SNAP91: variants seen among roughly 807,000 people sequenced by gnomAD.
SNAP91 encodes the protein clathrin coat assembly protein AP180.
Under a neutral mutation model 100.3 loss-of-function variants are expected in SNAP91, and 27 were observed. The ratio of observed to expected loss-of-function variants is 0.27; its 90% CI spans 0.20 to 0.37. SNAP91 has a LOEUF of 0.37. SNAP91 is among the 10% of genes least tolerant of loss of function. SNAP91 has a pLI of 1.00. For missense variants in SNAP91, 986 were observed against 1,123.7 expected (o/e 0.88, Z 1.75); for synonymous variants, 404 against 398.6 (o/e 1.01, Z -0.16).
intron 8 of SNAP91, among the ~76,000 whole-genome samples, chr6:83,624,605 G>C (rs2096859589): frequency 6.6e-6 from 1 of 152,042 alleles, no homozygotes; most frequent in Non-Finnish European, 1.5e-5. Flanking sequence ...ATTGGCATTT[G>C]GGGAAGATAA....
chr6:83,643,073 T>A (rs1562479186), intron 7 of SNAP91, among the ~76,000 whole-genome samples: 2 of 152,230 alleles, frequency 1.3e-5, no homozygotes, highest in Middle Eastern at 3.2e-3. Context: ...GAGTTCTTTG[T>A]AGATTCTGGA....
chr6:83,696,877 T>G (rs895669576), intron 2 of SNAP91, among the ~76,000 whole-genome samples: 1 of 152,200 alleles, frequency 6.6e-6, no homozygotes, highest in Non-Finnish European at 1.5e-5. Flanking sequence ...CTGGAACAAT[T>G]CTTGGCATTT....
At chr6:83,561,941 A>C (rs758684451) in intron 26 of SNAP91, among the ~76,000 whole-genome samples, 2 of 152,154 alleles carry the variant, frequency 1.3e-5, no homozygotes, top group Non-Finnish European at 2.9e-5. Flanking sequence ...GTGGGAGGAC[A>C]GCCTCAGTCC....
intron 7 of SNAP91, among the ~76,000 whole-genome samples, chr6:83,648,001 T>A (rs2098021539): frequency 6.6e-6 from 1 of 152,140 alleles, no homozygotes; most frequent in Non-Finnish European, 1.5e-5. Flanking sequence ...CTTAATACTA[T>A]CACAATGCCA....
At chr6:83,558,865 A>G (rs1438731381) in intron 28 of SNAP91, among the ~76,000 whole-genome samples, 2 of 152,200 alleles carry the variant, frequency 1.3e-5, no homozygotes, top group African/African-American at 4.8e-5. Flanking sequence ...TTCTACATGT[A>G]ACATCACCTT....
intron 8 of SNAP91, 82 bp from the exon 9 acceptor site, chr6:83,623,424 G>T: frequency 1.1e-6 from 1 of 933,056 alleles, no homozygotes; most frequent in African/African-American, 1.6e-5. Context: ...TACACAATTA[G>T]TTTAAACAGC....
At chr6:83,572,876 C>G (rs1179420481) in intron 26 of SNAP91, among the ~76,000 whole-genome samples, 1 of 152,100 alleles carries the variant, frequency 6.6e-6, no homozygotes, top group Non-Finnish European at 1.5e-5. Context: ...CTCACCAAAT[C>G]AGTTCTAAAA....
chr6:83,670,261 A>G (rs1424929590), intron 2 of SNAP91, among the ~76,000 whole-genome samples: 1 of 117,858 alleles, frequency 8.5e-6, no homozygotes, highest in Admixed American at 8.3e-5. Flanking sequence ...TTTTTTTTCT[A>G]TTATAACAGG....
chr6:83,593,581 A>T lies in SNAP91; in HGVS notation c.1593T>A (p.Ala531=). 6.4e-7 allele frequency: 1 copy of T among 1,558,408 alleles called. No individual in the cohort carries two copies. Among genetic ancestry groups the T allele is most frequent in the Non-Finnish European group, 8.7e-7 (1 of 1,148,844 alleles). The change falls in exon 18 of 30, where the codon GCT becomes GCA. Residue 531 remains alanine (A), a synonymous_variant. Coordinates refer to ENST00000369694, the MANE Select transcript of SNAP91 (RefSeq NM_001242792.2). ...TGGCAGCAGTAGTGGCAGCAGCAGC[A>T]GCTGCAACGGCAGGAGCAGGAGAAG... ...TAPSPAPAVA[A]AAAATTAATA... is the part of the protein sequence containing the mutation.
intron 11 of SNAP91, among the ~76,000 whole-genome samples, chr6:83,611,884 T>G (rs1468456498): frequency 1.5e-5 from 2 of 135,240 alleles, no homozygotes; most frequent in Non-Finnish European, 3.2e-5. Context: ...TTTTTTTTTT[T>G]TTTTTTTTTT....
rs1160750433 is a variant in SNAP91, at chr6:83,580,542, G to T, written c.2207C>A (p.Ala736Glu). 4 of 1,613,634 alleles carry T rather than the reference G, an allele frequency of 2.5e-6. No homozygotes were observed. Among genetic ancestry groups the T allele is most frequent in the African/African-American group, 1.3e-5 (1 of 74,894 alleles). ...MPTMAPAGQP[A>E]PVSMVPPSPA... ...ACTGGGTGGTACCATTGAGACAGGT[G>T]CAGGCTGCCCAGCTGGTGCCATGGT... Residue 736 changes from alanine (A) to glutamate (E), a missense_variant, in exon 24 of 30, where the codon GCA becomes GAA. Physicochemically the swap from Ala to Glu is moderately radical, Grantham distance 107. Coordinates refer to ENST00000369694, the MANE Select transcript of SNAP91 (RefSeq NM_001242792.2).
chr6:83,639,271 C>G (rs910054543), intron 8 of SNAP91, among the ~76,000 whole-genome samples: 32 of 152,082 alleles, frequency 2.1e-4, no homozygotes, highest in African/African-American at 7.5e-4. Flanking sequence ...GAGATTTGTA[C>G]ATTGGTTGAA....
intron 2 of SNAP91, among the ~76,000 whole-genome samples, chr6:83,675,979 A>C (rs930114840): frequency 6.6e-6 from 1 of 151,896 alleles, no homozygotes; most frequent in African/African-American, 2.4e-5. Context: ...AGACATCATC[A>C]TCTCTACAAA....
At chr6:83,603,188 G>A (rs1465359665) in intron 14 of SNAP91, among the ~76,000 whole-genome samples, 1 of 151,898 alleles carries the variant, frequency 6.6e-6, no homozygotes, top group African/African-American at 2.4e-5. Flanking sequence ...AATCTTATGT[G>A]TTTATCAAAA....
chr6:83,665,910 C>T (rs1486596033), intron 2 of SNAP91, among the ~76,000 whole-genome samples: 1 of 152,032 alleles, frequency 6.6e-6, no homozygotes, highest in East Asian at 1.9e-4. Flanking sequence ...ATTTAATCTT[C>T]TTTGTTACTG....
intron 14 of SNAP91, among the ~76,000 whole-genome samples, chr6:83,602,602 G>C (rs2095333871): frequency 6.6e-6 from 1 of 151,822 alleles, no homozygotes; most frequent in Non-Finnish European, 1.5e-5. Flanking sequence ...ACCATGACTG[G>C]GTATCCACCG....
At chr6:83,603,641 A>G (rs1220732492) in intron 14 of SNAP91, among the ~76,000 whole-genome samples, 1 of 152,034 alleles carries the variant, frequency 6.6e-6, no homozygotes, top group Non-Finnish European at 1.5e-5. Flanking sequence ...CTTAAAAAGA[A>G]GAAAAAAAAA....
At position 83,593,538 on chromosome 6, in the gene SNAP91, T is replaced by A; in HGVS notation, c.1636A>T (p.Thr546Ser). The A allele has an allele frequency of 6.4e-7, 1 of 1,552,898 alleles. No individual in the cohort carries two copies. The highest frequency in any genetic ancestry group is 8.7e-7 in the Non-Finnish European group (1 of 1,147,616). Residue 546 changes from threonine to serine, a missense_variant, in exon 18 of 30, where the codon ACT (threonine) becomes TCT (serine). Thr to Ser is a moderately conservative substitution (Grantham distance 58, BLOSUM62 1). Coordinates refer to ENST00000369694, the MANE Select transcript of SNAP91 (RefSeq NM_001242792.2). ...GCGGTGGCAGCGGAGGTGGTGGTAG[T>A]GGTGGTGGCAGCGGCGGTGGCAGCA... The part of the protein sequence containing the change: ...TTAATAAATT[T>S]TTTSAATATT...
At chr6:83,600,076 G>C (rs752881963) in intron 16 of SNAP91, among the ~76,000 whole-genome samples, 1 of 152,142 alleles carries the variant, frequency 6.6e-6, no homozygotes, top group East Asian at 1.9e-4. Flanking sequence ...GAGCCACTGC[G>C]CCAGACCATG....
Sources: gnomAD v4.1 joint callset for allele counts (sites outside exome capture counted in the v4.1 genomes callset) on GRCh38, gnomAD v4.1.1 for gene constraint, MANE v1.5 for transcripts, NCBI Gene and HGNC (gene_info 2026-07-23, HGNC 2026-07-21) for gene names.